CLVS1: variants seen among roughly 807,000 people sequenced by gnomAD.
The protein encoded by CLVS1 is clavesin-1.
A neutral mutation model predicts 33.1 loss-of-function variants in CLVS1; 10 were observed. The observed-to-expected ratio is 0.30, with a 90% CI of 0.19 to 0.51. The LOEUF (loss-of-function observed/expected upper bound fraction) is 0.51, where lower values mean the gene tolerates loss of function less well. CLVS1 is among the 20% of genes least tolerant of loss of function. The pLI, the probability that CLVS1 is intolerant of heterozygous loss-of-function variation, is 0.97. For synonymous variants in CLVS1, 163 were observed against 166.1 expected, an observed-to-expected ratio of 0.98 and a Z score of 0.14; for missense variants, 343 against 433.4, an observed-to-expected ratio of 0.79 and a Z score of 1.85.
At chr8:61,133,115 G>T (rs1191497766) in intron 2 of CLVS1, among the ~76,000 whole-genome samples, 1 of 152,192 alleles carries the variant, frequency 6.6e-6, no homozygotes, top group Non-Finnish European at 1.5e-5. Context: ...TCAACCAAGG[G>T]CCAGATGCTC....
intron 5 of CLVS1, among the ~76,000 whole-genome samples, chr8:61,490,560 C>T (rs1489763252): frequency 1.3e-5 from 2 of 148,534 alleles, no homozygotes; most frequent in Non-Finnish European, 3.0e-5. Flanking sequence ...CCCAGCTACT[C>T]GGGAAGCTGA....
intron 2 of CLVS1, among the ~76,000 whole-genome samples, chr8:61,138,625 GGGGTAA>G (rs1806237965): frequency 1.3e-5 from 2 of 151,732 alleles, no homozygotes; most frequent in East Asian, 3.9e-4. Context: ...GAATGAACAT[GGGGTAA>G]GGGTGGGGGG....
intron 3 of CLVS1, among the ~76,000 whole-genome samples, chr8:61,424,038 C>A (rs1362476562): frequency 6.6e-6 from 1 of 152,216 alleles, no homozygotes. Flanking sequence ...TTCCCTTGCA[C>A]ACGCACACAA....
intron 2 of CLVS1, among the ~76,000 whole-genome samples, chr8:61,197,545 A>G (rs1807641967): frequency 6.6e-6 from 1 of 152,062 alleles, no homozygotes; most frequent in Admixed American, 6.6e-5. Flanking sequence ...TTTGAGACAG[A>G]GTCTCACTCT....
chr8:61,074,917 A>G (rs749139869), intron 1 of CLVS1, among the ~76,000 whole-genome samples: 3 of 152,154 alleles, frequency 2.0e-5, no homozygotes, highest in Non-Finnish European at 4.4e-5. Flanking sequence ...GGGCTTCTAA[A>G]TGTTTTATCT....
intron 3 of CLVS1, among the ~76,000 whole-genome samples, chr8:61,435,507 T>C (rs1164459864): frequency 2.6e-5 from 4 of 151,770 alleles, no homozygotes; most frequent in Non-Finnish European, 4.4e-5. Flanking sequence ...TATTACAAGG[T>C]AGGCAGTTAC....
At chr8:61,266,288 T>C (rs58126564) in intron 2 of CLVS1, among the ~76,000 whole-genome samples, 5,962 of 117,310 alleles carry the variant, frequency 0.051, 413 homozygotes, top group African/African-American at 0.19. Context: ...CTCCAAATTT[T>C]CTTTCTTTTT....
chr8:61,234,440 A>G (rs1017955288), intron 2 of CLVS1, among the ~76,000 whole-genome samples: 1 of 152,176 alleles, frequency 6.6e-6, no homozygotes, highest in African/African-American at 2.4e-5. Flanking sequence ...AGGGTACACA[A>G]CACAGAAAGA....
intron 2 of CLVS1, among the ~76,000 whole-genome samples, chr8:61,374,006 A>C (rs1415166642): frequency 1.2e-4 from 19 of 152,214 alleles, no homozygotes; most frequent in Admixed American, 1.2e-3. Flanking sequence ...GCAAGAGAAC[A>C]GTGGTAACAT....
chr8:61,417,094 A>C (rs547628628), intron 3 of CLVS1, among the ~76,000 whole-genome samples: 4 of 152,286 alleles, frequency 2.6e-5, no homozygotes, highest in African/African-American at 9.6e-5. Context: ...AGAGAATGAC[A>C]AAAGAGATGG....
At chr8:61,075,817 AG>A (rs1804899633) in intron 1 of CLVS1, among the ~76,000 whole-genome samples, 3 of 152,152 alleles carry the variant, frequency 2.0e-5, no homozygotes, top group Non-Finnish European at 4.4e-5. Context: ...TATTAGTTCA[AG>A]CTGAGACTAA....
At chr8:61,263,040 C>T (rs1318158786) in intron 2 of CLVS1, among the ~76,000 whole-genome samples, 1 of 152,140 alleles carries the variant, frequency 6.6e-6, no homozygotes, top group Non-Finnish European at 1.5e-5. Flanking sequence ...GTGATTGAAT[C>T]AGCTGGCATT....
At chr8:61,131,757 T>G (rs1421022757) in intron 1 of CLVS1, 1 of 151,954 alleles carries the variant, frequency 6.6e-6, no homozygotes, top group Non-Finnish European at 1.5e-5. Context: ...TTTTTTTTTC[T>G]TTTTAATTCA....
intron 2 of CLVS1, among the ~76,000 whole-genome samples, chr8:61,318,428 G>A (rs1245603020): frequency 6.6e-6 from 1 of 152,136 alleles, no homozygotes; most frequent in Non-Finnish European, 1.5e-5. Flanking sequence ...GCTGAACAAG[G>A]GAGAAGTTCT....
intron 2 of CLVS1, among the ~76,000 whole-genome samples, chr8:61,253,394 A>C (rs559759828): frequency 6.6e-6 from 1 of 151,994 alleles, no homozygotes; most frequent in African/African-American, 2.4e-5. Flanking sequence ...TGACAATTAT[A>C]CGTCTTGGAG....
intron 1 of CLVS1, among the ~76,000 whole-genome samples, chr8:61,101,164 A>G (rs577118705): frequency 5.1e-4 from 77 of 152,332 alleles, no homozygotes; most frequent in African/African-American, 1.8e-3. Context: ...GAAGAACTGC[A>G]AGACTTTTTC....
the CLVS1 span, among the ~76,000 whole-genome samples, chr8:61,000,959 G>A: frequency 6.6e-6 from 1 of 152,112 alleles, no homozygotes; most frequent in African/African-American, 2.4e-5. Context: ...GTTCTTCCTG[G>A]TGCAGCCATT....
chr8:60,996,147 A>T, the CLVS1 span, among the ~76,000 whole-genome samples: 2 of 152,210 alleles, frequency 1.3e-5, no homozygotes, highest in Admixed American at 1.3e-4. Context: ...ATGTACCCTA[A>T]AACTTAAAGT....
intron 5 of CLVS1, among the ~76,000 whole-genome samples, chr8:61,486,062 G>C (rs570633903): frequency 1.3e-5 from 2 of 151,824 alleles, no homozygotes; most frequent in Non-Finnish European, 2.9e-5. Flanking sequence ...TAACCTGCAC[G>C]TTGTGCACAT....
Sources: allele counts gnomAD v4.1 joint callset (sites outside exome capture counted in the v4.1 genomes callset), GRCh38; gene constraint gnomAD v4.1.1; transcripts MANE v1.5; gene names NCBI Gene and HGNC (gene_info 2026-07-23, HGNC 2026-07-21).